ALPK1: variants seen among roughly 807,000 people sequenced by gnomAD.
ALPK1 encodes the protein alpha-protein kinase 1.
A neutral mutation model predicts 120.6 loss-of-function variants in ALPK1; 110 were observed. The ratio of observed to expected loss-of-function variants is 0.91; its 90% CI spans 0.78 to 1.07. The LOEUF is 1.07. ALPK1 is among the 50% of genes least tolerant of loss of function. ALPK1 has a pLI of 0.00. For missense variants in ALPK1, 1,498 were observed against 1,483.9 expected (o/e 1.01, Z -0.16); for synonymous variants, 582 against 560.3 (o/e 1.04, Z -0.55).
At chr4:112,333,688 A>G (rs1729485339) in intron 2 of ALPK1, among the ~76,000 whole-genome samples, 1 of 152,180 alleles carries the variant, frequency 6.6e-6, no homozygotes, top group African/African-American at 2.4e-5. Context: ...TTCTTCCTTC[A>G]TTTAGCACTT....
At chr4:112,357,001 G>A (rs1730657121) in intron 2 of ALPK1, 3 of 778,056 alleles carry the variant, frequency 3.9e-6, no homozygotes, top group East Asian at 4.9e-5. Flanking sequence ...AGGTGGCACA[G>A]CAGGGCCAGC....
intron 5 of ALPK1, among the ~76,000 whole-genome samples, chr4:112,419,829 T>C (rs1445012889): frequency 2.0e-5 from 3 of 152,234 alleles, no homozygotes; most frequent in African/African-American, 7.2e-5. Context: ...TATCTTTTGG[T>C]AATGATACTT....
intron 2 of ALPK1, among the ~76,000 whole-genome samples, chr4:112,352,192 A>G (rs1730391506): frequency 6.6e-6 from 1 of 152,214 alleles, no homozygotes; most frequent in Non-Finnish European, 1.5e-5. Flanking sequence ...AATGCGGAAC[A>G]ACTATCGAGA....
At chr4:112,333,925 G>GT (rs1337828902) in intron 2 of ALPK1, among the ~76,000 whole-genome samples, 6 of 150,484 alleles carry the variant, frequency 4.0e-5, no homozygotes, top group Non-Finnish European at 7.4e-5. Context: ...GTTTGGTTTT[G>GT]TTTTTTGTGT....
intron 11 of ALPK1, among the ~76,000 whole-genome samples, chr4:112,433,654 G>A (rs906900129): frequency 6.6e-6 from 1 of 152,116 alleles, no homozygotes; most frequent in Non-Finnish European, 1.5e-5. Flanking sequence ...AAGACAGAAG[G>A]AGATTCTTCT....
chr4:112,319,064 T>C (rs1387016152), intron 2 of ALPK1, among the ~76,000 whole-genome samples: 1 of 152,096 alleles, frequency 6.6e-6, no homozygotes, highest in Non-Finnish European at 1.5e-5. Context: ...AGAACCTATC[T>C]GGGCAGCACA....
intron 4 of ALPK1, among the ~76,000 whole-genome samples, chr4:112,387,796 A>G (rs1214491949): frequency 2.0e-5 from 3 of 152,204 alleles, no homozygotes; most frequent in African/African-American, 7.2e-5. Flanking sequence ...CTTTTATTTT[A>G]AGTTCAGGGC....
chr4:112,439,676 T>C lies in ALPK1; in HGVS notation c.3352-10T>C. 2 of 1,593,264 alleles carry C rather than the reference T, an allele frequency of 1.3e-6. No individual in the cohort carries two copies. Among genetic ancestry groups the C allele is most frequent in the East Asian group, 2.3e-5 (1 of 44,432 alleles). On this transcript the variant is annotated splice_polypyrimidine_tract_variant and intron_variant, in intron 13 of 15. Coordinates refer to ENST00000650871, the MANE Select transcript of ALPK1 (RefSeq NM_025144.4). ...ATTATGCTGTAATGTTTCTCATTGC[T>C]ATTTTTCAGATTTTAGAGGACAAGA...
intron 4 of ALPK1, among the ~76,000 whole-genome samples, chr4:112,392,066 T>A (rs569712894): frequency 6.6e-6 from 1 of 152,334 alleles, no homozygotes; most frequent in South Asian, 2.1e-4. Flanking sequence ...GTTATTTTAT[T>A]CTTAAACATA....
intron 2 of ALPK1, among the ~76,000 whole-genome samples, chr4:112,360,476 T>C (rs756085393): frequency 1.2e-4 from 18 of 152,152 alleles, no homozygotes; most frequent in Admixed American, 2.6e-4. Context: ...GAAATTTAGG[T>C]TGGTTCCATA....
intron 2 of ALPK1, among the ~76,000 whole-genome samples, chr4:112,332,821 C>T (rs1214026468): frequency 6.6e-6 from 1 of 152,206 alleles, no homozygotes; most frequent in African/African-American, 2.4e-5. Context: ...CTGGAGTTAA[C>T]TGTAGCTCAG....
At chr4:112,312,372 A>AAG (rs1728444050) in intron 1 of ALPK1, among the ~76,000 whole-genome samples, 1 of 151,916 alleles carries the variant, frequency 6.6e-6, no homozygotes, top group East Asian at 1.9e-4. Flanking sequence ...CTCCCGGGTC[A>AAG]CGTCATTCTC....
chr4:112,421,707 G>A (rs999173012), intron 5 of ALPK1, among the ~76,000 whole-genome samples: 2 of 152,048 alleles, frequency 1.3e-5, no homozygotes, highest in African/African-American at 2.4e-5. Context: ...TCTACCCACC[G>A]ATTTAATGCC....
chr4:112,396,195 GC>G (rs1250316300), intron 4 of ALPK1, among the ~76,000 whole-genome samples: 1 of 152,092 alleles, frequency 6.6e-6, no homozygotes, highest in East Asian at 1.9e-4. Flanking sequence ...AATACCTGTT[GC>G]ATAGCATACT....
At position 112,304,747 on chromosome 4, in the gene ALPK1, T is replaced by G. The variant is rs188864974; in HGVS notation, c.-153+7278T>G. Among the ~76,000 whole-genome samples the G allele has an allele frequency of 5.1e-4, 77 of 152,258 alleles. 1 individual carries two copies. Among genetic ancestry groups the G allele is most frequent in the African/African-American group, 1.0e-3 (43 of 41,494 alleles). ...TTTCTTTTGCTGTGCAGAAGCTCTT[T>G]AGTTTAATTAGATCCCATTTGTCAA... On this transcript the variant is annotated intron_variant, in intron 1 of 15. Coordinates refer to ENST00000650871, the MANE Select transcript of ALPK1 (RefSeq NM_025144.4).
chr4:112,372,697 C>T (rs538160535), intron 2 of ALPK1, among the ~76,000 whole-genome samples: 3 of 152,042 alleles, frequency 2.0e-5, no homozygotes, highest in South Asian at 2.1e-4. Flanking sequence ...CTATCATCAC[C>T]GTGACATCCC....
At chr4:112,327,946 C>T (rs1199139452) in intron 2 of ALPK1, among the ~76,000 whole-genome samples, 2 of 152,140 alleles carry the variant, frequency 1.3e-5, no homozygotes, top group Non-Finnish European at 2.9e-5. Flanking sequence ...GTTGTGGCAT[C>T]AATCAAGAAT....
chr4:112,396,953 T>C (rs1412360884), intron 4 of ALPK1, among the ~76,000 whole-genome samples: 1 of 152,132 alleles, frequency 6.6e-6, no homozygotes, highest in Non-Finnish European at 1.5e-5. Context: ...TTTTTTTGTA[T>C]TTTAACAGAG....
At chr4:112,346,733 A>G (rs1024252448) in intron 2 of ALPK1, among the ~76,000 whole-genome samples, 1 of 152,260 alleles carries the variant, frequency 6.6e-6, no homozygotes, top group African/African-American at 2.4e-5. Flanking sequence ...TTGCTGTGTG[A>G]AACAGTTTTA....
Sources: allele counts gnomAD v4.1 joint callset (sites outside exome capture counted in the v4.1 genomes callset), GRCh38; gene constraint gnomAD v4.1.1; transcripts MANE v1.5; gene names NCBI Gene and HGNC (gene_info 2026-07-23, HGNC 2026-07-21).